Variants in F12 observed in about 807,000 individuals in gnomAD.
F12 encodes the protein coagulation factor XII.
A neutral mutation model predicts 74.8 loss-of-function variants in F12; 70 were observed. The observed-to-expected ratio is 0.94, with a 90% CI of 0.77 to 1.14. The LOEUF is 1.14. Ranked by LOEUF, F12 falls within the 50% of genes most tolerant of loss-of-function variation. The pLI, the probability that F12 is intolerant of heterozygous loss-of-function variation, is 0.00. For synonymous variants in F12, 373 were observed against 356.4 expected (o/e 1.05, Z -0.52); for missense variants, 811 against 835.7 (o/e 0.97, Z 0.36).
At chr5:177,403,760 G>A in intron 10 of F12, 99 bp downstream of exon 10, 5 of 1,456,814 alleles carry the variant, frequency 3.4e-6, no homozygotes, top group Non-Finnish European at 4.6e-6. Context: ...GGGTGGGGCG[G>A]GAGAAGGTAG....
intron 2 of F12, among the ~76,000 whole-genome samples, chr5:177,407,614 G>A (rs1187784251): frequency 6.6e-6 from 1 of 152,092 alleles, no homozygotes; most frequent in Non-Finnish European, 1.5e-5. Flanking sequence ...GTGAAACCCT[G>A]TCTCTACTAA....
rs762982767 is a variant in F12, at chr5:177,403,601, G to A, written c.1267C>T (p.Leu423=). The A allele has an allele frequency of 1.2e-6, 2 of 1,605,666 alleles. No individual in the cohort carries two copies. Among genetic ancestry groups the A allele is most frequent in the South Asian group, 1.1e-5 (1 of 90,780 alleles). ...CGTTCCTGGCCGAGCACCACCGTCA[G>A]ATCCTCGGGTGCGGGCCTGCGGGGG... ...CLQDRPAPED[L]TVVLGQERRN... The change falls in exon 11 of 14, where the codon CTG becomes TTG. Residue 423 remains leucine, a synonymous_variant. Coordinates refer to ENST00000253496, the MANE Select transcript of F12 (RefSeq NM_000505.4).
chr5:177,405,438 G>C lies in F12; in HGVS notation c.287-5C>G, dbSNP rs759472067. 36 of 1,611,972 alleles carry C rather than the reference G, an allele frequency of 2.2e-5. No homozygotes were observed. The Admixed American group carries it at 5.7e-4, about 25-fold the overall frequency. On this transcript the variant is annotated splice_polypyrimidine_tract_variant and splice_region_variant and intron_variant, in intron 4 of 13. Transcript: ENST00000253496. Reference sequence around the variant, plus strand: ...GGCTGTGTTTGCTGCAGTGGTCTGAGAGATGGACATGGTGGAAGGAAGAGC... The same window carrying C: ...GGCTGTGTTTGCTGCAGTGGTCTGACAGATGGACATGGTGGAAGGAAGAGC...
At position 177,402,460 on chromosome 5, in the gene F12, C is replaced by G. The variant is rs199988476; in HGVS notation, c.1681-1G>C. On this transcript the variant is annotated splice_acceptor_variant, in intron 13 of 13. Transcript: ENST00000253496. LOFTEE classifies it high-confidence loss of function. The stretch of plus-strand genomic sequence containing the variant: ...ACACCAGCGGGCCTCCGGAATCACC[C>G]TGGGTCGGAAACACGCAGCTCAGCG... The G allele has an allele frequency of 9.3e-6, 15 of 1,604,780 alleles. 1 individual carries two copies. The South Asian group carries it at 1.7e-4, about 18-fold the overall frequency.
intron 2 of F12, among the ~76,000 whole-genome samples, chr5:177,407,457 A>G (rs1763318335): frequency 6.6e-6 from 1 of 152,200 alleles, no homozygotes; most frequent in Non-Finnish European, 1.5e-5. Flanking sequence ...GAACTAGGAC[A>G]GTAAATGGAA....
intron 1 of F12, 57 bp from the exon 2 acceptor site, chr5:177,409,160 C>T: frequency 6.6e-7 from 1 of 1,513,556 alleles, no homozygotes; most frequent in South Asian, 1.2e-5. Context: ...TGCCACCGAT[C>T]TGTTGCTAGT....
intron 2 of F12, among the ~76,000 whole-genome samples, chr5:177,408,385 G>GCA: frequency 6.6e-6 from 1 of 152,304 alleles, no homozygotes; most frequent in Middle Eastern, 3.4e-3. Context: ...AAGAATGAAA[G>GCA]CAATGGGGAG....
chr5:177,404,367 C>A lies in F12; in HGVS notation c.847G>T (p.Asp283Tyr), dbSNP rs771165528. 3.1e-6 allele frequency: 5 copies of A among 1,611,748 alleles called. No individual in the cohort carries two copies. The highest frequency in any genetic ancestry group is 2.7e-5 in the African/African-American group (2 of 74,890). Residue 283 changes from aspartate (D) to tyrosine (Y), a missense_variant, in exon 9 of 14, where the codon GAC becomes TAC. Asp to Tyr is a radical substitution (Grantham distance 160). Coordinates refer to ENST00000253496, the MANE Select transcript of F12 (RefSeq NM_000505.4). ...IRPWCFVLNR[D>Y]RLSWEYCDLA... ...TCGCAGTACTCCCAGCTCAGCCGGT[C>A]GCGGTTCAGCACGAAGCACCACGGG...
chr5:177,404,236 C>T lies in F12; in HGVS notation c.978G>A (p.Gln326=), dbSNP rs755907376. 6 of 1,601,844 alleles carry T rather than the reference C, an allele frequency of 3.7e-6. No homozygotes were observed. The highest frequency in any genetic ancestry group is 5.1e-6 in the Non-Finnish European group (6 of 1,172,828). The part of the protein sequence containing the change: ...MPAQPAPPKP[Q]PTTRTPPQSQ... The stretch of plus-strand genomic sequence containing the variant: ...ACTGAGGCGGGGTCCGGGTCGTGGG[C>T]TGAGGCTTCGGCGGTGCCGGCTGCG... Residue 326 remains glutamine, a synonymous_variant, in exon 9 of 14, where the codon CAG becomes CAA. Coordinates refer to ENST00000253496, the MANE Select transcript of F12 (RefSeq NM_000505.4).
At chr5:177,402,733 T>A in intron 12 of F12, 35 bp from the exon 13 acceptor site, 1 of 1,608,420 alleles carries the variant, frequency 6.2e-7, no homozygotes, top group Non-Finnish European at 8.5e-7. Flanking sequence ...ACACCCCATC[T>A]GACAACGCTT....
In F12 at chr5:177,405,022, C is replaced by A. The variant is rs770025714; in HGVS notation, c.529+32G>T. On this transcript the variant is annotated intron_variant, in intron 6 of 13. Coordinates refer to ENST00000253496, the MANE Select transcript of F12 (RefSeq NM_000505.4). ...CCTGCCAGCCTGTCTTCCTGACGCTCCTCCCTGGCCCGTTCCCAACCATCT... is the reference window on the plus strand; with the variant it reads ...CCTGCCAGCCTGTCTTCCTGACGCTACTCCCTGGCCCGTTCCCAACCATCT... The A allele has an allele frequency of 1.7e-5, 27 of 1,607,654 alleles. 1 individual carries two copies. The East Asian group carries it at 2.7e-4, about 16-fold the overall frequency.
At chr5:177,406,454 A>G (rs1581659729) in intron 2 of F12, among the ~76,000 whole-genome samples, 1 of 151,796 alleles carries the variant, frequency 6.6e-6, no homozygotes, top group East Asian at 1.9e-4. Flanking sequence ...GCGCCACTGC[A>G]CTCCAGCCTG....
In F12 at chr5:177,402,144, G is replaced by A; in HGVS notation, c.*148C>T. The A allele has an allele frequency of 9.6e-7, 1 of 1,040,398 alleles. No homozygotes were observed. Among genetic ancestry groups the A allele is most frequent in the Non-Finnish European group, 1.4e-6 (1 of 700,804 alleles). The allele number at this position is 1,040,398 out of a possible 1,614,324, so 64.4% of individuals were successfully genotyped here. On this transcript the variant is annotated 3_prime_UTR_variant, in exon 14 of 14. Coordinates refer to ENST00000253496, the MANE Select transcript of F12 (RefSeq NM_000505.4). ...ATGAAGAAAAGAGCTTTCCTTCTCA[G>A]CATTTTCAAAGCACTTTATTGAGTT...
In F12 at chr5:177,405,770, C is replaced by A. The variant is rs141155093; in HGVS notation, c.251G>T (p.Arg84Leu). The change falls in exon 4 of 14, where the codon CGA becomes CTA. Residue 84 changes from arginine (R) to leucine (L), a missense_variant. Coordinates refer to ENST00000253496, the MANE Select transcript of F12 (RefSeq NM_000505.4). ...ATTPNFDQDQ[R>L]WGYCLEPKKV... is the part of the protein sequence containing the mutation. ...CTTGGGCTCCAAACAGTATCCCCATCGCTGGTCCTGATCAAAGTTGGGGGT... is the reference window on the plus strand; with the variant it reads ...CTTGGGCTCCAAACAGTATCCCCATAGCTGGTCCTGATCAAAGTTGGGGGT... 1.2e-6 allele frequency: 2 copies of A among 1,614,076 alleles called. No homozygotes were observed. The highest frequency in any genetic ancestry group is 1.3e-5 in the African/African-American group (1 of 74,920).
intron 1 of F12, 84 bp from the exon 2 acceptor site, chr5:177,409,187 C>T (rs1763351554): frequency 2.2e-6 from 3 of 1,393,218 alleles, no homozygotes; most frequent in Non-Finnish European, 3.0e-6. Context: ...CTTCCTCTCA[C>T]AGCCCAGAAA....
At chr5:177,409,010 C>A (rs1258788563) in intron 2 of F12, 36 bp downstream of exon 2, 1 of 1,549,138 alleles carries the variant, frequency 6.5e-7, no homozygotes, top group Non-Finnish European at 8.7e-7. Flanking sequence ...ACATCCCCAC[C>A]CAAGGGTTCC....
At position 177,406,042 on chromosome 5, in the gene F12, C is replaced by T. The variant is rs1763282937; in HGVS notation, c.135G>A (p.Glu45=). Residue 45 remains glutamate, a synonymous_variant, in exon 3 of 14, where the codon GAG becomes GAA. Transcript: ENST00000253496. ...EHTVVLTVTG[E]PCHFPFQYHR... ...GGTACTGGAAGGGGAAGTGGCAGGGCTCCCCGGTGACAGTGAGAACTGCAG... is the reference window on the plus strand; with the variant it reads ...GGTACTGGAAGGGGAAGTGGCAGGGTTCCCCGGTGACAGTGAGAACTGCAG... 3 of 1,613,874 alleles carry T rather than the reference C, an allele frequency of 1.9e-6. No homozygotes were observed. The highest frequency in any genetic ancestry group is 2.5e-6 in the Non-Finnish European group (3 of 1,180,038).
chr5:177,408,201 G>T (rs968478534), intron 2 of F12, among the ~76,000 whole-genome samples: 1 of 152,008 alleles, frequency 6.6e-6, no homozygotes, highest in Admixed American at 6.6e-5. Context: ...GACTACTGGC[G>T]CATGCCACCA....
chr5:177,403,474 C>T lies in F12; in HGVS notation c.1387+7G>A. The stretch of plus-strand genomic sequence containing the variant: ...TCTTCCCGTCCCCGCGGGGCGCCCC[C>T]ACGCACCCAGGTCGTGCTGGTAGCT... On this transcript the variant is annotated splice_region_variant and intron_variant, in intron 11 of 13. Coordinates refer to ENST00000253496, the MANE Select transcript of F12 (RefSeq NM_000505.4). 2 of 1,559,596 alleles carry T rather than the reference C, an allele frequency of 1.3e-6. No individual in the cohort carries two copies. The highest frequency in any genetic ancestry group is 1.7e-6 in the Non-Finnish European group (2 of 1,157,012).
Sources: gnomAD v4.1 joint callset for allele counts (sites outside exome capture counted in the v4.1 genomes callset) on GRCh38, gnomAD v4.1.1 for gene constraint, MANE v1.5 for transcripts, NCBI Gene and HGNC (gene_info 2026-07-23, HGNC 2026-07-21) for gene names.